Variants in CHADL observed in about 807,000 individuals in gnomAD.
The protein encoded by CHADL is chondroadherin-like protein.
Under a neutral mutation model 52.1 loss-of-function variants are expected in CHADL, and 48 were observed. That is an observed-to-expected ratio of 0.92 (90% CI 0.73 to 1.17). CHADL has a LOEUF of 1.17. CHADL is among the 50% of genes most tolerant of loss of function. The pLI, the probability that CHADL is intolerant of heterozygous loss-of-function variation, is 0.00. For synonymous variants in CHADL, 498 were observed against 511.2 expected, an observed-to-expected ratio of 0.97 and a Z score of 0.35; for missense variants, 977 against 1,035.1, an observed-to-expected ratio of 0.94 and a Z score of 0.77.
Position 41,237,389 on chromosome 22 carries a change from G to T in CHADL, c.1683C>A (p.Ser561=). 3 of 1,550,652 alleles carry T rather than the reference G, an allele frequency of 1.9e-6. No homozygotes were observed. The highest frequency in any genetic ancestry group is 1.7e-4 in the Middle Eastern group (1 of 5,992). The stretch of plus-strand genomic sequence containing the variant: ...CCCGAGCTGGGCCCAGCGCCCCAAG[G>T]GACACTTCGGTGATGCGGTTTCCAC... ...YLSGNRITEV[S]LGALGPAREL... is the part of the protein sequence containing the mutation. Residue 561 remains serine (S), a synonymous_variant, in exon 3 of 6, where the codon TCC becomes TCA. Transcript: ENST00000216241.
intron 3 of CHADL, among the ~76,000 whole-genome samples, 172 bp downstream of exon 3, chr22:41,237,004 T>C (rs1244055381): frequency 6.6e-6 from 1 of 152,260 alleles, no homozygotes; most frequent in African/African-American, 2.4e-5. Flanking sequence ...GCCTGGGTTC[T>C]GCCCGGACTG....
chr22:41,237,908 C>G lies in CHADL; in HGVS notation c.1164G>C (p.Gly388=), dbSNP rs914918888. 159 of 1,302,348 alleles carry G rather than the reference C, an allele frequency of 1.2e-4. No individual in the cohort carries two copies. Among genetic ancestry groups the G allele is most frequent in the Non-Finnish European group, 1.5e-4 (152 of 1,031,668 alleles). 80.7% of individuals were successfully genotyped at this position (1,302,348 alleles called of 1,614,324 possible). A position where few individuals can be genotyped will look rare whatever the true frequency, so the allele number is the denominator to read the frequency against. Residue 388 remains glycine (G), a synonymous_variant, in exon 3 of 6, where the codon GGG becomes GGC. Transcript: ENST00000216241. ...APPRGPPRGP[G]EERAVAPCPR... ...GGCAAGGCGCGACTGCCCGCTCCTC[C>G]CCGGGGCCGCGCGGAGGGCCGCGCG...
chr22:41,237,812 G>A lies in CHADL; in HGVS notation c.1260C>T (p.Pro420=), dbSNP rs1417874488. ...SCEGCGLQAV[P]RGFPSDTQLL... is the part of the protein sequence containing the mutation. ...GCTGGGTGTCGCTGGGGAAGCCGCG[G>A]GGCACCGCCTGCAGGCCGCAGCCCT... Residue 420 remains proline (P), a synonymous_variant, in exon 3 of 6, where the codon CCC becomes CCT. Coordinates refer to ENST00000216241, the MANE Select transcript of CHADL (RefSeq NM_138481.2). 9 of 1,490,100 alleles carry A rather than the reference G, an allele frequency of 6.0e-6. No individual in the cohort carries two copies. Among genetic ancestry groups the A allele is most frequent in the Admixed American group, 4.8e-5 (2 of 41,636 alleles). The allele number at this position is 1,490,100 out of a possible 1,614,324, so 92.3% of individuals were successfully genotyped here.
chr22:41,229,516 G>C lies in CHADL; in HGVS notation c.*188C>G, dbSNP rs1391595252. ...TACCTAAATACAACCCTAATGCTGG[G>C]TTTGAATCCATTTTTATTCAAAGGG... On this transcript the variant is annotated 3_prime_UTR_variant, in exon 6 of 6. Coordinates refer to ENST00000216241, the MANE Select transcript of CHADL (RefSeq NM_138481.2). The C allele has an allele frequency of 6.2e-7, 1 of 1,602,134 alleles. No homozygotes were observed. Among genetic ancestry groups the C allele is most frequent in the African/African-American group, 1.3e-5 (1 of 74,506 alleles).
chr22:41,240,874 CCCTCCATGCCG>C lies in CHADL; in HGVS notation c.-4_7del. The C allele has an allele frequency of 6.4e-7, 1 of 1,550,650 alleles. No homozygotes were observed. Among genetic ancestry groups the C allele is most frequent in the Non-Finnish European group, 8.7e-7 (1 of 1,146,814 alleles). ...TGCACCATCGGGCCCAAAGACTCAC[CCCTCCATGCCG>C]CCTGGAACTGCTGGTCCAGCCTGGA... On this transcript the variant is annotated start_lost and splice_region_variant and 5_prime_UTR_variant, in exon 1 of 6. Transcript: ENST00000216241.
chr22:41,234,911 G>T (rs925690735), intron 5 of CHADL, among the ~76,000 whole-genome samples: 3 of 151,360 alleles, frequency 2.0e-5, no homozygotes, highest in Non-Finnish European at 4.4e-5. Flanking sequence ...AGATGGTCTT[G>T]ACCTCTTGAC....
chr22:41,239,726 G>T, intron 1 of CHADL, 106 bp from the exon 2 acceptor site: 1 of 1,052,320 alleles, frequency 9.5e-7, no homozygotes, highest in Non-Finnish European at 1.3e-6. Context: ...ACCCCTCAGA[G>T]CCTCCTCCTT....
chr22:41,229,614 C>T lies in CHADL; in HGVS notation c.*90G>A. ...GAAGCCCCTGCTGGAGGACGACCCT[C>T]AGGGTGCCAGGAAGATCTCGTCGGA... On this transcript the variant is annotated 3_prime_UTR_variant, in exon 6 of 6. Transcript: ENST00000216241. The T allele has an allele frequency of 6.2e-7, 1 of 1,613,916 alleles. No individual in the cohort carries two copies.
At chr22:41,236,282 C>T (rs968290292) in intron 4 of CHADL, among the ~76,000 whole-genome samples, 2 of 152,204 alleles carry the variant, frequency 1.3e-5, no homozygotes, top group Non-Finnish European at 2.9e-5. Context: ...GAAATCAAGG[C>T]TCAGAGAAGT....
intron 5 of CHADL, among the ~76,000 whole-genome samples, chr22:41,233,718 G>A (rs1426931573): frequency 6.6e-6 from 1 of 152,160 alleles, no homozygotes; most frequent in Non-Finnish European, 1.5e-5. Context: ...AAGCTCTGCT[G>A]TTCTAAGCCA....
In CHADL at chr22:41,239,556, C is replaced by G. The variant is rs1372706740; in HGVS notation, c.73G>C (p.Ala25Pro). 3.2e-6 allele frequency: 5 copies of G among 1,548,076 alleles called. No homozygotes were observed. The African/African-American group carries it at 4.1e-5, about 13-fold the overall frequency. ...PLLVLLLLAPARQAAAQRCPQ... is the reference protein window; with the variant it reads ...PLLVLLLLAPPRQAAAQRCPQ... ...CAGCGCTGGGCGGCGGCCTGCCTAG[C>G]CGGGGCCAGCAGCAGAAGTACAAGA... is the stretch of plus-strand genomic sequence containing the variant. Residue 25 changes from alanine (A) to proline (P), a missense_variant, in exon 2 of 6, where the codon GCT (alanine) becomes CCT (proline). Ala to Pro is a conservative substitution (Grantham distance 27). Transcript: ENST00000216241.
chr22:41,233,948 G>A lies in CHADL; in HGVS notation c.2262+1197C>T, dbSNP rs117105565. Among the ~76,000 whole-genome samples the A allele has an allele frequency of 1.2e-3, 190 of 152,334 alleles. 3 individuals carry two copies. The East Asian group carries it at 0.034, about 27-fold the overall frequency. Reference sequence around the variant, plus strand: ...CAGGCAGTGGTTCCTACATACGGGGGTGCCTGTATCTTGTGCACCCTTCTC... The same window carrying A: ...CAGGCAGTGGTTCCTACATACGGGGATGCCTGTATCTTGTGCACCCTTCTC... On this transcript the variant is annotated intron_variant, in intron 5 of 5. Transcript: ENST00000216241.
chr22:41,230,073 T>TCGTCCCCCCC, intron 5 of CHADL: 1 of 1,024,398 alleles, frequency 9.8e-7, no homozygotes, highest in South Asian at 1.4e-5. Context: ...CTTTCCCAGC[T>TCGTCCCCCCC]CCTCCGCCCC....
In CHADL at chr22:41,235,312, C is replaced by T; in HGVS notation, c.2095G>A (p.Ala699Thr). 1 of 1,550,822 alleles carries T rather than the reference C, an allele frequency of 6.4e-7. No homozygotes were observed. The highest frequency in any genetic ancestry group is 8.7e-7 in the Non-Finnish European group (1 of 1,146,964). ...GCATTGGGAGGGGTGGCGCAGGTGG[C>T]CCCCACCCGCAGGTTCAGCCCAGTA... ...WLTGLNLRVG[A>T]TCATPPNARG... is the part of the protein sequence containing the mutation. The change falls in exon 5 of 6, where the codon GCC becomes ACC. Residue 699 changes from alanine to threonine, a missense_variant. By Grantham distance (58) the Ala-to-Thr change is moderately conservative. Coordinates refer to ENST00000216241, the MANE Select transcript of CHADL (RefSeq NM_138481.2).
chr22:41,230,100 A>C, intron 5 of CHADL: 1 of 477,132 alleles, frequency 2.1e-6, no homozygotes, highest in Non-Finnish European at 3.2e-6. Flanking sequence ...TCCCAGAGTT[A>C]TTTACTCGCC....
rs2032794467 is a variant in CHADL at position 41,238,453 on chromosome 22, C to G, written c.619G>C (p.Ala207Pro). 1 of 1,529,270 alleles carries G rather than the reference C, an allele frequency of 6.5e-7. No individual in the cohort carries two copies. Among genetic ancestry groups the G allele is most frequent in the African/African-American group, 1.4e-5 (1 of 72,702 alleles). 94.7% of individuals were successfully genotyped at this position (1,529,270 alleles called of 1,614,324 possible). The change falls in exon 3 of 6, where the codon GCC (alanine) becomes CCC (proline). Residue 207 changes from alanine to proline, a missense_variant. Coordinates refer to ENST00000216241, the MANE Select transcript of CHADL (RefSeq NM_138481.2). The surrounding 1 kb of genome is among the most constrained non-coding windows in gnomAD (Gnocchi z 4.9). ...TGGTGTAGGCTGAGCCGTCTCAGGG[C>G]GGGCAGGCCAGCCAGGGCCTCGGGG... Reference protein sequence around the residue: ...LAPEALAGLPALRRLSLHHNE... With the variant: ...LAPEALAGLPPLRRLSLHHNE...
Position 41,237,446 on chromosome 22 carries a change from C to T in CHADL, c.1626G>A (p.Gly542=). The T allele has an allele frequency of 6.4e-7, 1 of 1,550,470 alleles. No individual in the cohort carries two copies. The highest frequency in any genetic ancestry group is 1.2e-5 in the South Asian group (1 of 84,066). ...AVDRLAPGDL[G]RTRALRWVYL... Reference sequence around the variant, plus strand: ...AGACCCAGCGCAAGGCCCGTGTTCTCCCCAGGTCCCCAGGTGCCAGGCGGT... The same window carrying T: ...AGACCCAGCGCAAGGCCCGTGTTCTTCCCAGGTCCCCAGGTGCCAGGCGGT... Residue 542 remains glycine, a synonymous_variant, in exon 3 of 6, where the codon GGG becomes GGA. Coordinates refer to ENST00000216241, the MANE Select transcript of CHADL (RefSeq NM_138481.2).
intron 5 of CHADL, chr22:41,231,240 T>A (rs1183038717): frequency 1.3e-5 from 2 of 152,198 alleles, no homozygotes; most frequent in Non-Finnish European, 2.9e-5. Flanking sequence ...CCAGACTCTG[T>A]GTGTGAGAAA....
chr22:41,240,844 C>T (rs1174797101), intron 1 of CHADL, 30 bp downstream of exon 1: 5 of 1,550,772 alleles, frequency 3.2e-6, no homozygotes, highest in Non-Finnish European at 3.5e-6. Context: ...CTCTGAATCC[C>T]CCCTTGCACC....
Sources: allele counts gnomAD v4.1 joint callset (sites outside exome capture counted in the v4.1 genomes callset), GRCh38; gene constraint gnomAD v4.1.1; non-coding constraint Gnocchi (gnomAD v3.1); transcripts MANE v1.5; gene names NCBI Gene and HGNC (gene_info 2026-07-23, HGNC 2026-07-21).